Variants in UNC13C observed in about 807,000 individuals in gnomAD.
UNC13C encodes protein unc-13 homolog C.
UNC13C carries 174 observed loss-of-function variants against 245.4 expected under a neutral mutation model. The observed-to-expected ratio is 0.71, with a 90% CI of 0.63 to 0.80. The LOEUF (loss-of-function observed/expected upper bound fraction) is 0.80, where lower values mean the gene tolerates loss of function less well. Ranked by LOEUF, UNC13C falls within the 30% of genes least tolerant of loss-of-function variation. The pLI is 0.00. For missense variants in UNC13C, 2,829 were observed against 2,602.9 expected, an observed-to-expected ratio of 1.09 and a Z score of -1.89; for synonymous variants, 992 against 895.1, an observed-to-expected ratio of 1.11 and a Z score of -1.93.
At chr15:54,287,824 C>T (rs935550402) in intron 10 of UNC13C, among the ~76,000 whole-genome samples, 6 of 152,144 alleles carry the variant, frequency 3.9e-5, no homozygotes, top group East Asian at 1.9e-4. Flanking sequence ...CCACCAACAA[C>T]CTCTTTAGCT....
chr15:54,043,618 T>C (rs764993707), intron 2 of UNC13C, among the ~76,000 whole-genome samples: 11 of 152,230 alleles, frequency 7.2e-5, no homozygotes, highest in Non-Finnish European at 1.5e-4. Flanking sequence ...TTGGTTCTTG[T>C]CAAGGGAAAC....
Position 54,623,808 on chromosome 15 carries a change from T to A in UNC13C, c.6213T>A (p.Asn2071Lys), listed in dbSNP as rs367937950. ...CCTTTTTTTTAGTGATTGCTATTAA[T>A]GACCTAAACTGGCAGACCACAGCAA... ...HKVTVKVIAI[N>K]DLNWQTTAMF... Residue 2071 changes from asparagine (N) to lysine (K), a missense_variant, in exon 32 of 33, where the codon AAT becomes AAA. Coordinates refer to ENST00000260323, the MANE Select transcript of UNC13C (RefSeq NM_001080534.3). The A allele has an allele frequency of 6.2e-7, 1 of 1,612,374 alleles. No homozygotes were observed. The highest frequency in any genetic ancestry group is 8.5e-7 in the Non-Finnish European group (1 of 1,179,044).
intron 2 of UNC13C, among the ~76,000 whole-genome samples, chr15:54,122,563 A>T (rs2030742429): frequency 6.6e-6 from 1 of 151,976 alleles, no homozygotes; most frequent in South Asian, 2.1e-4. Flanking sequence ...GAATCCTTGT[A>T]GCCAATTTCA....
intron 1 of UNC13C, among the ~76,000 whole-genome samples, chr15:53,991,474 T>C (rs1894385836): frequency 6.6e-6 from 1 of 152,016 alleles, no homozygotes; most frequent in African/African-American, 2.4e-5. Flanking sequence ...TGAAAGCTGT[T>C]GTATCAGGTG....
At chr15:54,428,713 C>A in intron 19 of UNC13C, among the ~76,000 whole-genome samples, 1 of 151,446 alleles carries the variant, frequency 6.6e-6, no homozygotes, top group Non-Finnish European at 1.5e-5. Flanking sequence ...AGTTTAGGTT[C>A]CTGGTATGGT....
the UNC13C span, among the ~76,000 whole-genome samples, chr15:53,935,230 C>T: frequency 6.6e-6 from 1 of 151,924 alleles, no homozygotes; most frequent in East Asian, 1.9e-4. Flanking sequence ...TTGCTTACCA[C>T]TGAGAACACT....
intron 30 of UNC13C, among the ~76,000 whole-genome samples, chr15:54,598,743 C>T (rs1343026466): frequency 6.6e-6 from 1 of 151,562 alleles, no homozygotes; most frequent in Non-Finnish European, 1.5e-5. Context: ...GTTTCCATGT[C>T]AGAAAATACT....
chr15:54,537,870 A>G (rs529621948), intron 26 of UNC13C, among the ~76,000 whole-genome samples: 5 of 152,172 alleles, frequency 3.3e-5, no homozygotes, highest in Admixed American at 1.3e-4. Context: ...TGTAAAACCT[A>G]AAACTATAAA....
At chr15:54,003,883 C>T (rs1407471727) in intron 1 of UNC13C, among the ~76,000 whole-genome samples, 2 of 152,002 alleles carry the variant, frequency 1.3e-5, no homozygotes, top group Admixed American at 6.6e-5. Flanking sequence ...TGGTGGCAGG[C>T]ACCTGTAGTC....
At position 54,016,725 on chromosome 15, in the gene UNC13C, G is replaced by A. The variant is rs757421806; in HGVS notation, c.2983+839G>A. 3.9e-4 allele frequency among the ~76,000 whole-genome samples: 59 copies of A among 152,180 alleles called. 1 individual carries two copies. Among genetic ancestry groups the A allele is most frequent in the Admixed American group, 2.4e-3 (37 of 15,278 alleles). ...TCTATTTCTCAACCCAACTTCCTCC[G>A]CACTTATTCCACTCCCTTACCATTT... On this transcript the variant is annotated intron_variant, in intron 2 of 32. Transcript: ENST00000260323.
At chr15:54,416,852 G>A (rs1195887348) in intron 19 of UNC13C, 1 of 455,198 alleles carries the variant, frequency 2.2e-6, no homozygotes, top group Non-Finnish European at 4.4e-6. Context: ...GCACTTACGG[G>A]TTATCATTGA....
intron 23 of UNC13C, among the ~76,000 whole-genome samples, chr15:54,509,388 C>A (rs576230240): frequency 9.9e-5 from 15 of 152,218 alleles, no homozygotes; most frequent in Admixed American, 9.2e-4. Flanking sequence ...CAAGACATCA[C>A]AATCTAAATT....
the UNC13C span, among the ~76,000 whole-genome samples, chr15:53,874,268 C>T: frequency 6.6e-6 from 1 of 151,724 alleles, no homozygotes; most frequent in Non-Finnish European, 1.5e-5. Context: ...TACAAAGTAC[C>T]TTAATACATT....
At chr15:54,509,542 A>G (rs1294645129) in intron 23 of UNC13C, among the ~76,000 whole-genome samples, 2 of 152,170 alleles carry the variant, frequency 1.3e-5, no homozygotes, top group Non-Finnish European at 2.9e-5. Context: ...ATAAAATTAA[A>G]GGTATTATTC....
At chr15:54,373,079 A>G (rs1424098080) in intron 17 of UNC13C, among the ~76,000 whole-genome samples, 1 of 152,134 alleles carries the variant, frequency 6.6e-6, no homozygotes, top group African/African-American at 2.4e-5. Context: ...CCCCAGTTGA[A>G]GCAAAGCAAC....
At chr15:54,164,003 AAG>A (rs2033071116) in intron 4 of UNC13C, among the ~76,000 whole-genome samples, 1 of 152,138 alleles carries the variant, frequency 6.6e-6, no homozygotes, top group Admixed American at 6.5e-5. Flanking sequence ...GGAGTTTGCT[AAG>A]AGAGTGGATT....
chr15:53,845,116 G>A, the UNC13C span, among the ~76,000 whole-genome samples: 1 of 152,022 alleles, frequency 6.6e-6, no homozygotes, highest in Non-Finnish European at 1.5e-5. Flanking sequence ...ACGAGGTCAG[G>A]AGTTCGAGAC....
intron 17 of UNC13C, among the ~76,000 whole-genome samples, chr15:54,377,377 C>A (rs1442541039): frequency 6.6e-6 from 1 of 152,178 alleles, no homozygotes; most frequent in Admixed American, 6.5e-5. Context: ...TTGAAACTAT[C>A]CTTAACCCTC....
Position 54,027,650 on chromosome 15 carries a change from C to T in UNC13C, c.2983+11764C>T, listed in dbSNP as rs145384724. Among the ~76,000 whole-genome samples, 210 of 152,294 alleles carry T rather than the reference C, an allele frequency of 1.4e-3. 1 individual carries two copies. Among genetic ancestry groups the T allele is most frequent in the Non-Finnish European group, 2.3e-3 (154 of 68,022 alleles). On this transcript the variant is annotated intron_variant, in intron 2 of 32. Transcript: ENST00000260323. The stretch of plus-strand genomic sequence containing the variant: ...CCTCCCCAAGTGCTGGGATCACAGA[C>T]GTAAGCCACAGTGCCTGGCCTCTCC...
Sources: gnomAD v4.1 joint callset for allele counts (sites outside exome capture counted in the v4.1 genomes callset) on GRCh38, gnomAD v4.1.1 for gene constraint, MANE v1.5 for transcripts, NCBI Gene and HGNC (gene_info 2026-07-23, HGNC 2026-07-21) for gene names.